Variants in SLC9C1 observed in about 807,000 individuals in gnomAD.
The protein encoded by SLC9C1 is sodium/hydrogen exchanger 10.
A neutral mutation model predicts 140.9 loss-of-function variants in SLC9C1; 97 were observed. The observed-to-expected ratio is 0.69, with a 90% CI of 0.58 to 0.82. The LOEUF is 0.82. Among genes scored for constraint, SLC9C1 ranks in the 40% least tolerant of loss-of-function variants. SLC9C1 has a pLI of 0.00. For missense variants in SLC9C1, 1,340 were observed against 1,389.3 expected, an observed-to-expected ratio of 0.96 and a Z score of 0.56; for synonymous variants, 440 against 442.6, an observed-to-expected ratio of 0.99 and a Z score of 0.07.
chr3:112,291,659 A>T (rs914249084), intron 1 of SLC9C1, among the ~76,000 whole-genome samples: 3 of 152,210 alleles, frequency 2.0e-5, no homozygotes, highest in Non-Finnish European at 4.4e-5. Context: ...ATGCTTATAC[A>T]CTGTTGGTGG....
At chr3:112,213,900 T>C (rs1481847177) in intron 15 of SLC9C1, among the ~76,000 whole-genome samples, 1 of 152,174 alleles carries the variant, frequency 6.6e-6, no homozygotes, top group Non-Finnish European at 1.5e-5. Flanking sequence ...ATCAACAGAA[T>C]ATACATTCTT....
chr3:112,219,128 A>G (rs1484252811), intron 14 of SLC9C1, among the ~76,000 whole-genome samples: 1 of 152,234 alleles, frequency 6.6e-6, no homozygotes, highest in African/African-American at 2.4e-5. Flanking sequence ...AAAAGAAACT[A>G]TGTGCTCAAA....
At chr3:112,278,268 C>T (rs757749986) in intron 4 of SLC9C1, among the ~76,000 whole-genome samples, 10 of 152,070 alleles carry the variant, frequency 6.6e-5, no homozygotes, top group Non-Finnish European at 1.3e-4. Context: ...TCCCTGATAC[C>T]GTTCAAATCT....
chr3:112,236,479 T>C (rs1324433728), intron 12 of SLC9C1, among the ~76,000 whole-genome samples: 1 of 152,244 alleles, frequency 6.6e-6, no homozygotes, highest in Non-Finnish European at 1.5e-5. Context: ...TCAGTTCTGC[T>C]CTGATCTTAG....
intron 18 of SLC9C1, 152 bp from the exon 19 acceptor site, chr3:112,200,914 C>T (rs6438037): frequency 0.77 from 488,182 of 631,464 alleles, 191,638 homozygotes; most frequent in East Asian, 0.99. Flanking sequence ...AATTTTGTGC[C>T]GCAGCACTTT....
rs138976305 is a variant in SLC9C1 at position 112,245,664 on chromosome 3, G to A, written c.1198-1588C>T. Reference sequence around the variant, plus strand: ...CAGATAGTATAAGTCCTTAAATTTCGTTCTTCCTTTTCAAAATTATTAGGG... The same window carrying A: ...CAGATAGTATAAGTCCTTAAATTTCATTCTTCCTTTTCAAAATTATTAGGG... On this transcript the variant is annotated intron_variant, in intron 10 of 28. Coordinates refer to ENST00000305815, the MANE Select transcript of SLC9C1 (RefSeq NM_183061.3). Among the ~76,000 whole-genome samples the A allele has an allele frequency of 8.6e-4, 131 of 151,684 alleles. 1 individual carries two copies. In the East Asian group the frequency reaches 0.021, roughly 24 times the overall value.
intron 2 of SLC9C1, among the ~76,000 whole-genome samples, chr3:112,285,014 T>G (rs1254179351): frequency 1.9e-5 from 2 of 104,944 alleles, no homozygotes; most frequent in African/African-American, 7.4e-5. Context: ...TGAGACAGAG[T>G]CTTGCTCTGT....
At chr3:112,277,474 A>C (rs2080245518) in intron 5 of SLC9C1, among the ~76,000 whole-genome samples, 1 of 151,890 alleles carries the variant, frequency 6.6e-6, no homozygotes, top group Non-Finnish European at 1.5e-5. Context: ...CCCCTATTCC[A>C]CAATTGCGTA....
intron 10 of SLC9C1, among the ~76,000 whole-genome samples, chr3:112,252,456 G>A (rs1046706874): frequency 8.5e-5 from 13 of 152,108 alleles, no homozygotes; most frequent in Non-Finnish European, 2.9e-5. Context: ...TGGCCTTTAG[G>A]CTTTGGAGAG....
chr3:112,274,750 T>G (rs1361748099), intron 6 of SLC9C1, 147 bp downstream of exon 6: 2 of 739,328 alleles, frequency 2.7e-6, no homozygotes, highest in South Asian at 3.4e-5. Flanking sequence ...TGTGTAATAG[T>G]GCTTTGTAAA....
chr3:112,250,331 G>C (rs900514666), intron 10 of SLC9C1, among the ~76,000 whole-genome samples: 74 of 151,502 alleles, frequency 4.9e-4, no homozygotes, highest in African/African-American at 1.7e-3. Flanking sequence ...ATTTGGGTTG[G>C]TTCCAAGTCT....
chr3:112,234,783 G>T (rs2078937244), intron 12 of SLC9C1, among the ~76,000 whole-genome samples: 1 of 152,154 alleles, frequency 6.6e-6, no homozygotes, highest in African/African-American at 2.4e-5. Flanking sequence ...AGATCAGATA[G>T]TTGTAGATGT....
intron 12 of SLC9C1, among the ~76,000 whole-genome samples, chr3:112,235,604 T>A (rs2078961816): frequency 6.6e-6 from 1 of 151,908 alleles, no homozygotes; most frequent in Non-Finnish European, 1.5e-5. Context: ...TGATATTGGC[T>A]GTGGGTTTGT....
intron 20 of SLC9C1, among the ~76,000 whole-genome samples, chr3:112,193,767 G>A (rs1240441904): frequency 2.0e-5 from 3 of 152,078 alleles, no homozygotes; most frequent in Non-Finnish European, 4.4e-5. Flanking sequence ...GCCTCTCCTG[G>A]TTGCAGGAGA....
intron 10 of SLC9C1, among the ~76,000 whole-genome samples, chr3:112,257,138 T>C (rs10934154): frequency 0.3 from 45,029 of 152,000 alleles, 7,229 homozygotes; most frequent in East Asian, 0.43. Context: ...CCAAAGAATT[T>C]ACAAATTGAA....
At chr3:112,214,711 C>A (rs2078306770) in intron 15 of SLC9C1, among the ~76,000 whole-genome samples, 1 of 152,026 alleles carries the variant, frequency 6.6e-6, no homozygotes, top group Admixed American at 6.6e-5. Flanking sequence ...ATTGAGGAAA[C>A]AATTAATAGC....
chr3:112,201,279 G>A (rs977763422), intron 18 of SLC9C1, among the ~76,000 whole-genome samples: 10 of 152,044 alleles, frequency 6.6e-5, no homozygotes, highest in South Asian at 2.1e-4. Flanking sequence ...CAAGGTGAAC[G>A]AAAGTAGAAA....
At chr3:112,211,412 G>A (rs115666886) in intron 15 of SLC9C1, among the ~76,000 whole-genome samples, 2,385 of 152,308 alleles carry the variant, frequency 0.016, 59 homozygotes, top group African/African-American at 0.054. Context: ...GCAAGGCATC[G>A]CCTCATCTGG....
intron 15 of SLC9C1, among the ~76,000 whole-genome samples, chr3:112,210,607 A>G (rs2078175324): frequency 6.6e-6 from 1 of 152,230 alleles, no homozygotes; most frequent in Non-Finnish European, 1.5e-5. Context: ...ATAACACTAA[A>G]TTATACACTT....
Sources: gnomAD v4.1 joint callset for allele counts (sites outside exome capture counted in the v4.1 genomes callset) on GRCh38, gnomAD v4.1.1 for gene constraint, MANE v1.5 for transcripts, NCBI Gene and HGNC (gene_info 2026-07-23, HGNC 2026-07-21) for gene names.